Variants in CCNY observed in about 807,000 individuals in gnomAD.
CCNY encodes the protein cyclin-Y.
In CCNY, 19 loss-of-function variants were observed where a neutral mutation model predicts 42.8. That is an observed-to-expected ratio of 0.44 (90% confidence interval 0.31 to 0.65). The LOEUF is 0.65. CCNY is among the 30% of genes least tolerant of loss of function. The pLI is 0.07. For synonymous variants in CCNY, 165 were observed against 162.7 expected (o/e 1.01, Z -0.11); for missense variants, 370 against 437.3 (o/e 0.85, Z 1.37).
chr10:35,266,722 A>G (rs1278413175), intron 3 of CCNY, among the ~76,000 whole-genome samples: 1 of 152,118 alleles, frequency 6.6e-6, no homozygotes, highest in Admixed American at 6.6e-5. Flanking sequence ...TTTTACTTGT[A>G]TAGATTTAGA....
intron 3 of CCNY, among the ~76,000 whole-genome samples, chr10:35,255,833 G>A (rs532722304): frequency 2.0e-5 from 3 of 152,232 alleles, no homozygotes; most frequent in East Asian, 3.9e-4. Context: ...GGGCTCAAGC[G>A]ATTTGACCAC....
intron 3 of CCNY, among the ~76,000 whole-genome samples, chr10:35,280,814 C>A (rs1305921241): frequency 6.6e-6 from 1 of 152,092 alleles, no homozygotes; most frequent in Non-Finnish European, 1.5e-5. Flanking sequence ...AAAGACAACC[C>A]ATGGAATGCA....
At chr10:35,348,795 T>G (rs1479989444) in intron 1 of CCNY, among the ~76,000 whole-genome samples, 1 of 152,208 alleles carries the variant, frequency 6.6e-6, no homozygotes, top group Non-Finnish European at 1.5e-5. Context: ...TGGCAGTGAT[T>G]CTCAGTCAGG....
intron 1 of CCNY, among the ~76,000 whole-genome samples, chr10:35,400,520 G>A (rs1837620488): frequency 6.6e-6 from 1 of 152,164 alleles, no homozygotes; most frequent in Non-Finnish European, 1.5e-5. Context: ...ATGCTTTGTT[G>A]AGAAAGCATA....
intron 1 of CCNY, among the ~76,000 whole-genome samples, chr10:35,434,459 T>A (rs1253666475): frequency 6.6e-6 from 1 of 152,258 alleles, no homozygotes; most frequent in African/African-American, 2.4e-5. Context: ...CTTTTGGGAC[T>A]AATACTACAC....
At chr10:35,467,530 C>T (rs1169255097) in intron 1 of CCNY, among the ~76,000 whole-genome samples, 1 of 152,178 alleles carries the variant, frequency 6.6e-6, no homozygotes, top group African/African-American at 2.4e-5. Flanking sequence ...TTCTATATGT[C>T]AGTTTGTGTC....
At chr10:35,534,904 A>G (rs1340035302) in intron 7 of CCNY, among the ~76,000 whole-genome samples, 1 of 151,542 alleles carries the variant, frequency 6.6e-6, no homozygotes, top group Non-Finnish European at 1.5e-5. Flanking sequence ...TGTAGCATGT[A>G]TAGTATGTCC....
In CCNY at chr10:35,534,835, T is replaced by C. The variant is rs1328100861; in HGVS notation, c.579+4592T>C. Among the ~76,000 whole-genome samples the C allele has an allele frequency of 3.4e-4, 52 of 152,026 alleles. 1 individual carries two copies. On this transcript the variant is annotated intron_variant, in intron 7 of 9. Transcript: ENST00000374704. ...AACATTTCATATCAATAGTATCTCA[T>C]ATGATAGTTCATGATTGGCTTCTTT...
intron 1 of CCNY, among the ~76,000 whole-genome samples, chr10:35,385,556 A>C (rs1358712957): frequency 6.6e-6 from 1 of 152,242 alleles, no homozygotes. Flanking sequence ...CTTTGTCCAC[A>C]GTTTTCCAAA....
intron 9 of CCNY, 113 bp from the exon 10 acceptor site, chr10:35,568,941 C>G (rs1413736355): frequency 4.2e-6 from 3 of 707,930 alleles, no homozygotes; most frequent in African/African-American, 3.5e-5. Flanking sequence ...CGGAGCTCCA[C>G]AGGGGCAGGG....
At chr10:35,324,591 AAGAC>A (rs2135098727) in intron 3 of CCNY, among the ~76,000 whole-genome samples, 1 of 152,360 alleles carries the variant, frequency 6.6e-6, no homozygotes, top group South Asian at 2.1e-4. Flanking sequence ...CCAAATAAAC[AAGAC>A]ACCCAGTAAT....
At chr10:35,477,730 G>A (rs551799173) in intron 1 of CCNY, among the ~76,000 whole-genome samples, 37 of 152,112 alleles carry the variant, frequency 2.4e-4, no homozygotes, top group African/African-American at 8.2e-4. Flanking sequence ...ACTGGCACAA[G>A]ACAGGGATGC....
At position 35,569,051 on chromosome 10, in the gene CCNY, C is replaced by T. The variant is rs1452485162; in HGVS notation, c.910-3C>T. 2 of 1,597,808 alleles carry T rather than the reference C, an allele frequency of 1.3e-6. No homozygotes were observed. The highest frequency in any genetic ancestry group is 2.2e-5 in the South Asian group (2 of 90,746). ...GACCCACACTGTCTTTCTTGCCCCT[C>T]AGGCCATCTCTCGCCTCTGCGAGGA... On this transcript the variant is annotated splice_polypyrimidine_tract_variant and splice_region_variant and intron_variant, in intron 9 of 9. Transcript: ENST00000374704.
intron 1 of CCNY, among the ~76,000 whole-genome samples, chr10:35,426,503 G>A (rs1416910162): frequency 6.6e-6 from 1 of 152,190 alleles, no homozygotes; most frequent in African/African-American, 2.4e-5. Context: ...TACCGTCCAT[G>A]GGGTTTAGGA....
At chr10:35,370,661 C>T (rs570829292) in intron 1 of CCNY, among the ~76,000 whole-genome samples, 2 of 151,938 alleles carry the variant, frequency 1.3e-5, no homozygotes, top group East Asian at 3.9e-4. Context: ...CTTATATTTC[C>T]CTATTACAAC....
rs1387037635 is a variant in CCNY at position 35,516,407 on chromosome 10, T to G, written c.265-116T>G. 5 of 712,208 alleles carry G rather than the reference T, an allele frequency of 7.0e-6. No homozygotes were observed. The African/African-American group carries it at 7.2e-5, about 10-fold the overall frequency. 44.1% of individuals were successfully genotyped at this position (712,208 alleles called of 1,614,324 possible). A position where few individuals can be genotyped will look rare whatever the true frequency, so the allele number is the denominator to read the frequency against. ...TGTTCTTGGTGGTAATGTTGACATT[T>G]CTTGCTAAGACATTTTTCCTCTGTG... On this transcript the variant is annotated intron_variant, in intron 3 of 9. Coordinates refer to ENST00000374704, the MANE Select transcript of CCNY (RefSeq NM_145012.6).
intron 1 of CCNY, among the ~76,000 whole-genome samples, chr10:35,437,760 G>A (rs1838571607): frequency 6.6e-6 from 1 of 152,110 alleles, no homozygotes; most frequent in African/African-American, 2.4e-5. Flanking sequence ...AAAATCTGTA[G>A]CCATGTTTAA....
At chr10:35,372,438 G>A (rs1032432027) in intron 1 of CCNY, among the ~76,000 whole-genome samples, 1 of 152,168 alleles carries the variant, frequency 6.6e-6, no homozygotes, top group Non-Finnish European at 1.5e-5. Context: ...GATCAGCCTC[G>A]GGCCTTCCAG....
intron 1 of CCNY, among the ~76,000 whole-genome samples, chr10:35,342,497 C>A (rs1836204015): frequency 6.6e-6 from 1 of 152,196 alleles, no homozygotes; most frequent in Non-Finnish European, 1.5e-5. Flanking sequence ...GGGTCCATGA[C>A]CTGTCTCTGC....
Sources: gnomAD v4.1 joint callset for allele counts (sites outside exome capture counted in the v4.1 genomes callset) on GRCh38, gnomAD v4.1.1 for gene constraint, MANE v1.5 for transcripts, NCBI Gene and HGNC (gene_info 2026-07-23, HGNC 2026-07-21) for gene names.